Variants in ATP2C2 observed in about 807,000 individuals in gnomAD.
The protein encoded by ATP2C2 is calcium-transporting ATPase type 2C member 2.
A neutral mutation model predicts 110.8 loss-of-function variants in ATP2C2; 171 were observed. That is an observed-to-expected ratio of 1.54 (90% CI 1.36 to 1.75). ATP2C2 has a LOEUF of 1.75. ATP2C2 is among the 40% of genes most tolerant of loss of function. The pLI is 0.00. For missense variants in ATP2C2, 1,963 were observed against 1,235.0 expected, an observed-to-expected ratio of 1.59 and a Z score of -8.84; for synonymous variants, 804 against 508.4, an observed-to-expected ratio of 1.58 and a Z score of -7.82.
intron 2 of ATP2C2, among the ~76,000 whole-genome samples, chr16:84,403,551 C>T (rs920941200): frequency 6.6e-6 from 1 of 152,186 alleles, no homozygotes; most frequent in Non-Finnish European, 1.5e-5. Context: ...CAAGCAATCT[C>T]CCCACCTCAA....
chr16:84,375,540 C>CAAAAA (rs34953788), intron 1 of ATP2C2, among the ~76,000 whole-genome samples: 1 of 130,868 alleles, frequency 7.6e-6, no homozygotes, highest in Admixed American at 7.5e-5. Flanking sequence ...GACTCTGTCT[C>CAAAAA]AAAAAAAAAA....
At chr16:84,439,043 T>G in intron 11 of ATP2C2, 123 bp from the exon 12 acceptor site, 3 of 1,424,208 alleles carry the variant, frequency 2.1e-6, no homozygotes, top group Non-Finnish European at 2.9e-6. Context: ...GAATGGAGAC[T>G]AGAACCAGGA....
chr16:84,391,626 G>T (rs1317679594), intron 1 of ATP2C2, among the ~76,000 whole-genome samples: 1 of 152,220 alleles, frequency 6.6e-6, no homozygotes, highest in Non-Finnish European at 1.5e-5. Flanking sequence ...CAAGAACGCG[G>T]AAGATTGTCA....
intron 6 of ATP2C2, among the ~76,000 whole-genome samples, chr16:84,414,371 C>T (rs909225749): frequency 3.3e-5 from 5 of 152,226 alleles, no homozygotes; most frequent in Non-Finnish European, 2.9e-5. Context: ...ACTGGGGTTG[C>T]ATTGGTTCTT....
chr16:84,449,423 C>T (rs546890116), intron 17 of ATP2C2, among the ~76,000 whole-genome samples: 1 of 152,196 alleles, frequency 6.6e-6, no homozygotes, highest in East Asian at 1.9e-4. Context: ...CTTTGCCCCC[C>T]CAAATGGTTT....
intron 1 of ATP2C2, among the ~76,000 whole-genome samples, chr16:84,378,089 G>T (rs2151397149): frequency 6.6e-6 from 1 of 152,342 alleles, no homozygotes; most frequent in Admixed American, 6.5e-5. Context: ...CAGAGACCCA[G>T]AGGGAAGAGA....
chr16:84,462,113 G>A lies in ATP2C2; in HGVS notation c.2706G>A (p.Glu902=), dbSNP rs779716089. ...CGCTGCAGAGGGTCTTCCAGACGGA[G>A]AACCTGGGAGCGCTTGGTGAGTGGT... ...IPPLQRVFQT[E]NLGALDLLFL... Residue 902 remains glutamate, a synonymous_variant, in exon 26 of 27, where the codon GAG becomes GAA. Coordinates refer to ENST00000262429, the MANE Select transcript of ATP2C2 (RefSeq NM_014861.4). 2.5e-6 allele frequency: 4 copies of A among 1,613,474 alleles called. No individual in the cohort carries two copies. The highest frequency in any genetic ancestry group is 1.3e-5 in the African/African-American group (1 of 74,930).
intron 11 of ATP2C2, among the ~76,000 whole-genome samples, chr16:84,432,430 C>G (rs571655333): frequency 1.3e-5 from 2 of 151,978 alleles, no homozygotes; most frequent in Non-Finnish European, 2.9e-5. Context: ...TGCTCTCCCC[C>G]GAACCCCCCG....
chr16:84,440,972 G>C lies in ATP2C2; in HGVS notation c.1311+14G>C. On this transcript the variant is annotated intron_variant, in intron 14 of 26. Transcript: ENST00000262429. ...AAGTTAGTGGAGGTAGGTGTCAAAA[G>C]CGCCATGAGGGAAATAGGCATTTAC... 6.3e-7 allele frequency: 1 copy of C among 1,592,992 alleles called. No individual in the cohort carries two copies. Among genetic ancestry groups the C allele is most frequent in the Non-Finnish European group, 8.6e-7 (1 of 1,164,036 alleles).
intron 15 of ATP2C2, among the ~76,000 whole-genome samples, chr16:84,445,086 T>C (rs1381485294): frequency 6.6e-6 from 1 of 152,180 alleles, no homozygotes; most frequent in Admixed American, 6.5e-5. Context: ...TCCCAGTTTC[T>C]GGGTGTTACT....
intron 1 of ATP2C2, among the ~76,000 whole-genome samples, chr16:84,378,613 A>G (rs937360057): frequency 1.3e-5 from 2 of 152,184 alleles, no homozygotes; most frequent in African/African-American, 4.8e-5. Context: ...TCACAAGATG[A>G]TCTTGTTTTT....
At chr16:84,439,692 C>G (rs1161112103) in intron 13 of ATP2C2, among the ~76,000 whole-genome samples, 168 bp downstream of exon 13, 1 of 152,208 alleles carries the variant, frequency 6.6e-6, no homozygotes, top group Admixed American at 6.5e-5. Flanking sequence ...TCATCCCATA[C>G]TTCCTTTTAA....
chr16:84,463,640 T>C lies in ATP2C2; in HGVS notation c.2749T>C (p.Ser917Pro). 1 of 1,614,206 alleles carries C rather than the reference T, an allele frequency of 6.2e-7. No homozygotes were observed. Among genetic ancestry groups the C allele is most frequent in the Non-Finnish European group, 8.5e-7 (1 of 1,180,010 alleles). The change falls in exon 27 of 27, where the codon TCA becomes CCA. Residue 917 changes from serine to proline, a missense_variant. By Grantham distance (74) the Ser-to-Pro change is moderately conservative (BLOSUM62 -1). Coordinates refer to ENST00000262429, the MANE Select transcript of ATP2C2 (RefSeq NM_014861.4). ...TTTGCTGTTTTTAACTGGATTGGCC[T>C]CATCCGTCTTCATTTTGTCAGAGCT... ...LDLLFLTGLA[S>P]SVFILSELLK...
chr16:84,446,498 A>G (rs1909765239), intron 16 of ATP2C2, 68 bp downstream of exon 16: 1 of 1,122,400 alleles, frequency 8.9e-7, no homozygotes, highest in Non-Finnish European at 1.3e-6. Context: ...ATAAAGCAAA[A>G]TGCAGACTTC....
At chr16:84,460,510 G>T in intron 23 of ATP2C2, 144 bp from the exon 24 acceptor site, 1 of 1,124,880 alleles carries the variant, frequency 8.9e-7, no homozygotes, top group Non-Finnish European at 1.3e-6. Flanking sequence ...GAGGAGGGCA[G>T]GTGCGATGCC....
At chr16:84,418,369 C>G (rs1436151355) in intron 7 of ATP2C2, among the ~76,000 whole-genome samples, 4 of 152,156 alleles carry the variant, frequency 2.6e-5, no homozygotes, top group African/African-American at 9.7e-5. Flanking sequence ...TGGGAGGTCA[C>G]CAGAAGCCCC....
chr16:84,443,250 A>G (rs931748175), intron 15 of ATP2C2, among the ~76,000 whole-genome samples: 2 of 152,130 alleles, frequency 1.3e-5, no homozygotes, highest in African/African-American at 4.8e-5. Context: ...GGTTAAGAGG[A>G]GGGAGCAAAG....
intron 11 of ATP2C2, among the ~76,000 whole-genome samples, chr16:84,432,229 G>A (rs779376183): frequency 6.6e-5 from 10 of 152,160 alleles, no homozygotes; most frequent in Non-Finnish European, 1.2e-4. Context: ...AGTGTACACT[G>A]TACCCAATGT....
chr16:84,400,403 T>G (rs1055497915), intron 2 of ATP2C2, among the ~76,000 whole-genome samples: 1 of 151,306 alleles, frequency 6.6e-6, no homozygotes, highest in African/African-American at 2.4e-5. Context: ...CTCTGCTCAC[T>G]GCAAGCTCCG....
Sources: allele counts gnomAD v4.1 joint callset (sites outside exome capture counted in the v4.1 genomes callset), GRCh38; gene constraint gnomAD v4.1.1; transcripts MANE v1.5; gene names NCBI Gene and HGNC (gene_info 2026-07-23, HGNC 2026-07-21).